Variants in PLCH1 observed in about 807,000 individuals in gnomAD.
PLCH1 encodes the protein phospholipase C eta 1.
A neutral mutation model predicts 126.7 loss-of-function variants in PLCH1; 60 were observed. The observed-to-expected ratio is 0.47, with a 90% confidence interval of 0.38 to 0.59. The LOEUF (loss-of-function observed/expected upper bound fraction) is 0.59. Ranked by LOEUF, PLCH1 falls within the 20% of genes least tolerant of loss-of-function variation. The pLI is 0.00. For missense variants in PLCH1, 1,723 were observed against 2,040.0 expected, an observed-to-expected ratio of 0.84 and a Z score of 2.99; for synonymous variants, 719 against 734.9, an observed-to-expected ratio of 0.98 and a Z score of 0.35.
intron 21 of PLCH1, among the ~76,000 whole-genome samples, chr3:155,472,375 C>T (rs1377597372): frequency 2.6e-5 from 4 of 152,088 alleles, no homozygotes; most frequent in African/African-American, 9.7e-5. Flanking sequence ...AAGACTAAAC[C>T]AGGAAGAAGT....
intron 2 of PLCH1, among the ~76,000 whole-genome samples, chr3:155,686,631 A>G (rs1226902791): frequency 6.6e-6 from 1 of 152,204 alleles, no homozygotes. Context: ...CCCATCACTG[A>G]ACCTTTCCCA....
chr3:155,634,547 T>G (rs762677313), intron 2 of PLCH1, among the ~76,000 whole-genome samples: 6 of 152,152 alleles, frequency 3.9e-5, no homozygotes, highest in African/African-American at 7.2e-5. Flanking sequence ...GGGGACTAAA[T>G]GAAGACTGAA....
At chr3:155,556,825 A>G (rs1476224674) in intron 8 of PLCH1, among the ~76,000 whole-genome samples, 7 of 152,278 alleles carry the variant, frequency 4.6e-5, no homozygotes, top group Non-Finnish European at 8.8e-5. Context: ...CAACACCCAC[A>G]AGCATGAGAG....
At chr3:155,467,143 G>C (rs529128363) in intron 21 of PLCH1, among the ~76,000 whole-genome samples, 2 of 151,662 alleles carry the variant, frequency 1.3e-5, no homozygotes, top group Admixed American at 6.6e-5. Flanking sequence ...AATACAAAAG[G>C]TTATAGAACA....
chr3:155,594,016 A>G lies in PLCH1; in HGVS notation c.395T>C (p.Ile132Thr), dbSNP rs1732562078. 12 of 1,613,848 alleles carry G rather than the reference A, an allele frequency of 7.4e-6. No homozygotes were observed. The highest frequency in any genetic ancestry group is 1.0e-5 in the Non-Finnish European group (12 of 1,179,956). Residue 132 changes from isoleucine (I) to threonine (T), a missense_variant, in exon 4 of 23, where the codon ATC becomes ACC. Coordinates refer to ENST00000460012, the MANE Select transcript of PLCH1 (RefSeq NM_014996.4). The part of the protein sequence containing the change: ...TSNPEEARTW[I>T]TGLKYLMAGI... ...AGCCATCAGGTACTTGAGGCCTGTG[A>G]TCCAGGTGCGGGCCTCCTCGGGGTT...
intron 11 of PLCH1, among the ~76,000 whole-genome samples, chr3:155,521,579 A>G (rs1721111002): frequency 6.6e-6 from 1 of 152,202 alleles, no homozygotes; most frequent in South Asian, 2.1e-4. Context: ...GGTTCATATA[A>G]ACTATCCAAA....
chr3:155,605,969 GA>G (rs974073490), intron 2 of PLCH1, among the ~76,000 whole-genome samples: 61 of 146,476 alleles, frequency 4.2e-4, no homozygotes, highest in African/African-American at 1.2e-3. Context: ...TCGTGGGAGG[GA>G]AAAAAAAAAG....
chr3:155,459,265 C>T (rs572767976), intron 21 of PLCH1, among the ~76,000 whole-genome samples: 4 of 152,120 alleles, frequency 2.6e-5, no homozygotes, highest in Non-Finnish European at 5.9e-5. Context: ...ATTCTGTGAC[C>T]ATGTTTGATC....
chr3:155,566,757 G>A (rs1728593531), intron 7 of PLCH1, among the ~76,000 whole-genome samples: 1 of 151,974 alleles, frequency 6.6e-6, no homozygotes, highest in Admixed American at 6.6e-5. Flanking sequence ...TATAATGCCT[G>A]GGTCAAAGAG....
intron 6 of PLCH1, among the ~76,000 whole-genome samples, chr3:155,570,951 A>C (rs1444182144): frequency 6.6e-6 from 1 of 151,996 alleles, no homozygotes; most frequent in Non-Finnish European, 1.5e-5. Context: ...CTTTTCCTTT[A>C]TTTACTGTAG....
At chr3:155,458,291 A>G (rs13093286) in intron 21 of PLCH1, among the ~76,000 whole-genome samples, 49,791 of 137,134 alleles carry the variant, frequency 0.36, 11,537 homozygotes, top group African/African-American at 0.67. Context: ...GCCGTGAGCC[A>G]AGATTGCACC....
chr3:155,738,121 GAA>G (rs1474520482), intron 1 of PLCH1, among the ~76,000 whole-genome samples: 3 of 152,240 alleles, frequency 2.0e-5, no homozygotes, highest in Non-Finnish European at 4.4e-5. Context: ...GCCACAGAGA[GAA>G]GAGGCTGCTT....
At chr3:155,633,787 G>A (rs1379447173) in intron 2 of PLCH1, among the ~76,000 whole-genome samples, 1 of 152,152 alleles carries the variant, frequency 6.6e-6, no homozygotes. Context: ...GGGTATGGTG[G>A]TGCATGCCTG....
intron 1 of PLCH1, among the ~76,000 whole-genome samples, chr3:155,705,794 A>C (rs946850616): frequency 6.6e-5 from 10 of 152,188 alleles, no homozygotes; most frequent in African/African-American, 2.4e-4. Context: ...GCTAGGAAAA[A>C]ATAGTAATGA....
intron 21 of PLCH1, among the ~76,000 whole-genome samples, chr3:155,465,441 A>T (rs186388521): frequency 7.2e-4 from 109 of 152,116 alleles, no homozygotes; most frequent in Non-Finnish European, 1.1e-3. Context: ...ATCGCCTGCT[A>T]ACTGAAGAGT....
In PLCH1 at chr3:155,549,985, G is replaced by A. The variant is rs73013277; in HGVS notation, c.1191-27C>T. ...TGAGAAAAGAGCAACACAGTCCAGA[G>A]GCGTCAGGTGCAGGCAACTCACAGG... On this transcript the variant is annotated intron_variant, in intron 9 of 22. Coordinates refer to ENST00000460012, the MANE Select transcript of PLCH1 (RefSeq NM_014996.4). 12,988 of 1,588,704 alleles carry A rather than the reference G, an allele frequency of 8.2e-3. 205 individuals carry two copies. The highest frequency in any genetic ancestry group is 0.066 in the African/African-American group (4,937 of 74,342).
chr3:155,681,408 C>T (rs955605450), intron 2 of PLCH1, among the ~76,000 whole-genome samples: 4 of 152,130 alleles, frequency 2.6e-5, no homozygotes, highest in Admixed American at 6.5e-5. Flanking sequence ...TCTCTAGTCT[C>T]AAATGTGGAA....
chr3:155,693,647 C>T (rs566977176), intron 2 of PLCH1, among the ~76,000 whole-genome samples: 2 of 152,094 alleles, frequency 1.3e-5, no homozygotes, highest in Admixed American at 6.5e-5. Flanking sequence ...AAAACAGCAG[C>T]GGCTGGATGT....
chr3:155,632,480 C>T (rs932207), intron 2 of PLCH1, among the ~76,000 whole-genome samples: 28,944 of 152,110 alleles, frequency 0.19, 3,560 homozygotes, highest in African/African-American at 0.35. Context: ...AAATACTTTC[C>T]AGTCCAAAAT....
Sources: allele counts gnomAD v4.1 joint callset (sites outside exome capture counted in the v4.1 genomes callset), GRCh38; gene constraint gnomAD v4.1.1; transcripts MANE v1.5; gene names NCBI Gene and HGNC (gene_info 2026-07-23, HGNC 2026-07-21).